Variants in CALN1 observed in about 807,000 individuals in gnomAD.
CALN1 encodes the protein calneuron 1, also known as calcium-binding protein 8.
CALN1 carries 17 observed loss-of-function variants against 30.6 expected under a neutral mutation model. The observed-to-expected ratio is 0.56, with a 90% confidence interval of 0.38 to 0.83. The LOEUF (loss-of-function observed/expected upper bound fraction) is 0.83. CALN1 is among the 40% of genes least tolerant of loss of function. CALN1 has a pLI of 0.00. For synonymous variants in CALN1, 156 were observed against 131.4 expected (o/e 1.19, Z -1.28); for missense variants, 291 against 354.9 (o/e 0.82, Z 1.45).
At chr7:72,444,578 G>T (rs1808463405) in intron 1 of CALN1, among the ~76,000 whole-genome samples, 1 of 152,152 alleles carries the variant, frequency 6.6e-6, no homozygotes, top group Admixed American at 6.5e-5. Flanking sequence ...GAGAGATAGA[G>T]TGACAGGGAG....
intron 1 of CALN1, among the ~76,000 whole-genome samples, chr7:72,408,966 C>T (rs1218596357): frequency 6.6e-6 from 1 of 151,966 alleles, no homozygotes; most frequent in East Asian, 1.9e-4. Flanking sequence ...GTGTGAGCCA[C>T]CACACCTGGC....
At chr7:71,821,030 G>A (rs1461173781) in intron 5 of CALN1, among the ~76,000 whole-genome samples, 1 of 152,154 alleles carries the variant, frequency 6.6e-6, no homozygotes, top group Non-Finnish European at 1.5e-5. Context: ...AAGGCTACAC[G>A]TTAAATTTTG....
intron 5 of CALN1, among the ~76,000 whole-genome samples, chr7:71,990,689 G>C (rs1798901781): frequency 6.6e-6 from 1 of 152,168 alleles, no homozygotes; most frequent in Admixed American, 6.5e-5. Context: ...CTGACCTCAA[G>C]TGATCCACCA....
At chr7:71,882,379 G>A (rs1036877035) in intron 5 of CALN1, among the ~76,000 whole-genome samples, 1 of 152,096 alleles carries the variant, frequency 6.6e-6, no homozygotes, top group Non-Finnish European at 1.5e-5. Flanking sequence ...CCTTCTCAAG[G>A]CCTTTAATCA....
intron 3 of CALN1, among the ~76,000 whole-genome samples, chr7:72,110,222 C>T (rs113066085): frequency 2.0e-5 from 3 of 152,216 alleles, no homozygotes; most frequent in East Asian, 1.9e-4. Context: ...TTACATTGGG[C>T]GACACCCCAG....
intron 5 of CALN1, among the ~76,000 whole-genome samples, chr7:71,994,621 C>A (rs1353096905): frequency 6.6e-6 from 1 of 150,508 alleles, no homozygotes; most frequent in African/African-American, 2.5e-5. Context: ...AGGATACCAA[C>A]ACACCAGAGT....
intron 2 of CALN1, among the ~76,000 whole-genome samples, chr7:72,282,033 A>G (rs994383526): frequency 3.3e-5 from 5 of 152,228 alleles, no homozygotes; most frequent in Non-Finnish European, 7.3e-5. Flanking sequence ...AGAAACCATG[A>G]GCAATGGAAC....
At chr7:72,394,495 G>A (rs1426970476) in intron 2 of CALN1, among the ~76,000 whole-genome samples, 1 of 152,104 alleles carries the variant, frequency 6.6e-6, no homozygotes, top group African/African-American at 2.4e-5. Context: ...TTACGGGACT[G>A]GTCCAGTACA....
intron 5 of CALN1, among the ~76,000 whole-genome samples, chr7:71,972,569 T>C (rs969137399): frequency 6.6e-6 from 1 of 152,210 alleles, no homozygotes; most frequent in Non-Finnish European, 1.5e-5. Context: ...CTTTGGTATT[T>C]TGTCGCAAGT....
rs1584196896 is a variant in CALN1 at position 71,783,799 on chromosome 7, G to A, written c.*3976C>T. ...TGATTCTATGAATGGGAAGTTGGGA[G>A]GGGCATTATTGTCAAAAGCAGCTGT... On this transcript the variant is annotated 3_prime_UTR_variant, in exon 7 of 7. Transcript: ENST00000395275. 1 of 152,652 alleles carries A rather than the reference G, an allele frequency of 6.6e-6. No individual in the cohort carries two copies. Among genetic ancestry groups the A allele is most frequent in the African/African-American group, 2.4e-5 (1 of 41,454 alleles). 9.5% of individuals were successfully genotyped at this position (152,652 alleles called of 1,614,324 possible).
chr7:72,120,986 G>C (rs1360455015), intron 3 of CALN1, among the ~76,000 whole-genome samples: 1 of 151,718 alleles, frequency 6.6e-6, no homozygotes, highest in Admixed American at 6.6e-5. Context: ...TTTGAGTGGG[G>C]AGAAAGCTAC....
chr7:72,258,125 T>TA (rs398111461), intron 3 of CALN1, among the ~76,000 whole-genome samples: 59 of 151,246 alleles, frequency 3.9e-4, no homozygotes, highest in South Asian at 1.0e-3. Flanking sequence ...ATGAATTTTT[T>TA]AAAAAAAAAC....
intron 4 of CALN1, among the ~76,000 whole-genome samples, chr7:72,095,019 G>C (rs547024292): frequency 6.6e-6 from 1 of 152,232 alleles, no homozygotes; most frequent in African/African-American, 2.4e-5. Flanking sequence ...GTGTTTTTCA[G>C]AGTTTCAATG....
At chr7:72,078,886 G>A (rs919375675) in intron 4 of CALN1, among the ~76,000 whole-genome samples, 1 of 152,204 alleles carries the variant, frequency 6.6e-6, no homozygotes, top group Admixed American at 6.5e-5. Context: ...CCGTGATCAC[G>A]CCATTGAACT....
chr7:72,029,138 T>TC (rs1801276843), intron 4 of CALN1, among the ~76,000 whole-genome samples: 1 of 152,130 alleles, frequency 6.6e-6, no homozygotes, highest in Non-Finnish European at 1.5e-5. Flanking sequence ...TCTTTTTTTT[T>TC]CTTTTTGAGA....
chr7:72,043,383 T>C (rs910523131), intron 4 of CALN1, among the ~76,000 whole-genome samples: 1 of 152,208 alleles, frequency 6.6e-6, no homozygotes, highest in Non-Finnish European at 1.5e-5. Flanking sequence ...AGTTTGTATA[T>C]GTATTACATA....
rs1056222495 is a variant in CALN1 at position 72,336,631 on chromosome 7, G to C, written c.120-57821C>G. 3.2e-6 allele frequency: 3 copies of C among 949,882 alleles called. No individual in the cohort carries two copies. The African/African-American group carries it at 5.3e-5, about 17-fold the overall frequency. The allele number at this position is 949,882 out of a possible 1,614,324, so 58.8% of individuals were successfully genotyped here. On this transcript the variant is annotated intron_variant, in intron 2 of 6. Transcript: ENST00000395275. ...CCCGGGGGTTTGGACACCCTAGAGA[G>C]AAGCGAGGACCGAGGGAAGAAGAAA...
intron 2 of CALN1, among the ~76,000 whole-genome samples, chr7:72,305,075 C>CA (rs1799557785): frequency 6.6e-6 from 1 of 152,166 alleles, no homozygotes. Flanking sequence ...CCCAGGCCTC[C>CA]AAAGAGAGCC....
intron 3 of CALN1, among the ~76,000 whole-genome samples, chr7:72,157,191 C>T (rs1368244746): frequency 2.0e-5 from 3 of 152,122 alleles, no homozygotes; most frequent in Non-Finnish European, 4.4e-5. Context: ...ATTCACTTAC[C>T]CATTTGGCAA....
Sources: allele counts gnomAD v4.1 joint callset (sites outside exome capture counted in the v4.1 genomes callset), GRCh38; gene constraint gnomAD v4.1.1; transcripts MANE v1.5; gene names NCBI Gene and HGNC (gene_info 2026-07-23, HGNC 2026-07-21).